The following TRERF1 variants were observed in gnomAD, a reference collection of about 807,000 sequenced individuals.
TRERF1 encodes the protein transcriptional regulating factor 1.
A neutral mutation model predicts 122.9 loss-of-function variants in TRERF1; 27 were observed. That is an observed-to-expected ratio of 0.22 (90% CI 0.16 to 0.30). TRERF1 has a LOEUF of 0.30. TRERF1 is among the 10% of genes least tolerant of loss of function. The probability of loss-of-function intolerance (pLI) is 1.00; values close to 1 mark genes in which losing one functional copy is unlikely to be tolerated. For missense variants in TRERF1, 1,248 were observed against 1,560.3 expected (o/e 0.80, Z 3.37); for synonymous variants, 636 against 641.7 (o/e 0.99, Z 0.13).
intron 2 of TRERF1, among the ~76,000 whole-genome samples, chr6:42,421,801 TTAAA>T (rs924976704): frequency 2.6e-5 from 4 of 151,832 alleles, no homozygotes; most frequent in African/African-American, 7.3e-5. Context: ...ATTAATTAAA[TTAAA>T]TAAATAAAAT....
At position 42,395,226 on chromosome 6, in the gene TRERF1, G is replaced by A. The variant is rs114782575; in HGVS notation, c.-453-32147C>T. The stretch of plus-strand genomic sequence containing the variant: ...TCAGGGTGGACTAACTAAAAGGAGC[G>A]CTAAGGCCCATCTAAATGTACAGCT... On this transcript the variant is annotated intron_variant, in intron 2 of 17. Transcript: ENST00000372922. Among the ~76,000 whole-genome samples the A allele has an allele frequency of 1.1e-4, 17 of 152,246 alleles. No homozygotes were observed. In the South Asian group the frequency reaches 1.7e-3, roughly 15 times the overall value.
intron 3 of TRERF1, among the ~76,000 whole-genome samples, chr6:42,340,674 C>T (rs1468701366): frequency 6.6e-6 from 1 of 152,150 alleles, no homozygotes; most frequent in African/African-American, 2.4e-5. Context: ...AATCATAACT[C>T]ACTGCAACTT....
intron 2 of TRERF1, among the ~76,000 whole-genome samples, chr6:42,389,511 G>A (rs543247465): frequency 2.0e-5 from 3 of 152,230 alleles, no homozygotes; most frequent in African/African-American, 7.2e-5. Flanking sequence ...GCATCCCTTA[G>A]TGTTAAATAA....
At chr6:42,440,167 T>C (rs532280401) in intron 2 of TRERF1, among the ~76,000 whole-genome samples, 1 of 152,298 alleles carries the variant, frequency 6.6e-6, no homozygotes, top group East Asian at 1.9e-4. Flanking sequence ...AAAGATTCTC[T>C]TAAACATCCT....
At chr6:42,423,737 G>A (rs77856724) in intron 2 of TRERF1, among the ~76,000 whole-genome samples, 12 of 151,920 alleles carry the variant, frequency 7.9e-5, no homozygotes, top group Non-Finnish European at 1.6e-4. Flanking sequence ...AAAAAAAAAA[G>A]TTTCCAAAGC....
chr6:42,449,839 T>G (rs1788159576), intron 2 of TRERF1, among the ~76,000 whole-genome samples: 1 of 152,132 alleles, frequency 6.6e-6, no homozygotes. Context: ...CCATCAGCAA[T>G]GTGTAGCGAG....
chr6:42,411,305 G>A (rs889664181), intron 2 of TRERF1, among the ~76,000 whole-genome samples: 6 of 152,182 alleles, frequency 3.9e-5, no homozygotes, highest in African/African-American at 1.4e-4. Flanking sequence ...AGAAACTGAG[G>A]TCCGGGAGGG....
At chr6:42,316,263 C>G (rs995974336) in intron 3 of TRERF1, among the ~76,000 whole-genome samples, 1 of 152,140 alleles carries the variant, frequency 6.6e-6, no homozygotes, top group Non-Finnish European at 1.5e-5. Context: ...TCCAGAGAGG[C>G]TGGTCTGCCT....
chr6:42,441,925 C>A (rs1243592546), intron 2 of TRERF1, among the ~76,000 whole-genome samples: 1 of 152,114 alleles, frequency 6.6e-6, no homozygotes, highest in African/African-American at 2.4e-5. Context: ...CAGGCCCAGG[C>A]ACACAGAGCC....
intron 15 of TRERF1, among the ~76,000 whole-genome samples, chr6:42,241,483 T>A (rs9471823): frequency 0.12 from 18,127 of 151,876 alleles, 1,366 homozygotes; most frequent in African/African-American, 0.2. Context: ...TTTTTTCAGA[T>A]GGAGTTTTGC....
At chr6:42,380,704 C>A (rs868111719) in intron 2 of TRERF1, among the ~76,000 whole-genome samples, 2 of 152,330 alleles carry the variant, frequency 1.3e-5, no homozygotes, top group South Asian at 4.1e-4. Flanking sequence ...AAGGGCATGG[C>A]TCTCTAGGGA....
At chr6:42,436,099 T>A (rs1446708091) in intron 2 of TRERF1, among the ~76,000 whole-genome samples, 1 of 152,234 alleles carries the variant, frequency 6.6e-6, no homozygotes, top group Non-Finnish European at 1.5e-5. Flanking sequence ...CTGGGCTCAG[T>A]GGCTCACGCC....
intron 3 of TRERF1, among the ~76,000 whole-genome samples, chr6:42,343,380 C>T (rs1767660217): frequency 6.6e-6 from 1 of 152,158 alleles, no homozygotes. Context: ...ATGTACCTGC[C>T]GCATAAAACT....
chr6:42,435,339 T>C (rs1256734590), intron 2 of TRERF1, among the ~76,000 whole-genome samples: 1 of 152,164 alleles, frequency 6.6e-6, no homozygotes, highest in Non-Finnish European at 1.5e-5. Context: ...TTTTGTATTT[T>C]TTGAGGAGAC....
intron 4 of TRERF1, among the ~76,000 whole-genome samples, chr6:42,281,743 G>A (rs1004338): frequency 0.26 from 38,766 of 152,010 alleles, 5,010 homozygotes; most frequent in East Asian, 0.31. Flanking sequence ...GACACCCAGC[G>A]TGGCATCGAT....
chr6:42,310,769 A>T (rs908072000), intron 3 of TRERF1, among the ~76,000 whole-genome samples: 1 of 152,198 alleles, frequency 6.6e-6, no homozygotes, highest in African/African-American at 2.4e-5. Context: ...AAGCCCCAAG[A>T]AGCCTTCAGA....
At chr6:42,337,377 C>T (rs1011292772) in intron 3 of TRERF1, among the ~76,000 whole-genome samples, 7 of 152,198 alleles carry the variant, frequency 4.6e-5, no homozygotes, top group African/African-American at 1.7e-4. Context: ...CGCTCCTGAT[C>T]CTCAAGGAGG....
intron 3 of TRERF1, among the ~76,000 whole-genome samples, chr6:42,356,197 A>T (rs1263467957): frequency 6.6e-6 from 1 of 152,262 alleles, no homozygotes; most frequent in African/African-American, 2.4e-5. Flanking sequence ...CCCCTGGACC[A>T]GTGACCCTAT....
At chr6:42,252,641 C>T (rs770707678) in intron 13 of TRERF1, among the ~76,000 whole-genome samples, 4 of 152,218 alleles carry the variant, frequency 2.6e-5, no homozygotes, top group Non-Finnish European at 5.9e-5. Flanking sequence ...ATGGGATTCA[C>T]TGACACCTGG....
Sources: gnomAD v4.1 joint callset for allele counts (sites outside exome capture counted in the v4.1 genomes callset) on GRCh38, gnomAD v4.1.1 for gene constraint, MANE v1.5 for transcripts, NCBI Gene and HGNC (gene_info 2026-07-23, HGNC 2026-07-21) for gene names.